CDH23: variants seen among roughly 807,000 people sequenced by gnomAD.
CDH23 encodes the protein cadherin related 23.
CDH23 carries 189 observed loss-of-function variants against 317.1 expected under a neutral mutation model. The ratio of observed to expected loss-of-function variants is 0.60; its 90% CI spans 0.53 to 0.67. The LOEUF is 0.67. Among genes scored for constraint, CDH23 ranks in the 30% least tolerant of loss-of-function variants. CDH23 has a pLI of 0.00. For missense variants in CDH23, 4,401 were observed against 4,592.4 expected, an observed-to-expected ratio of 0.96 and a Z score of 1.20; for synonymous variants, 1,839 against 1,876.8, an observed-to-expected ratio of 0.98 and a Z score of 0.52.
intron 9 of CDH23, among the ~76,000 whole-genome samples, chr10:71,594,566 G>C (rs999233200): frequency 3.3e-5 from 5 of 152,130 alleles, no homozygotes; most frequent in African/African-American, 1.2e-4. Flanking sequence ...AGTAGAGATG[G>C]GGTTTCTCCA....
At chr10:71,750,199 T>C (rs1310960133) in intron 38 of CDH23, 1 of 152,070 alleles carries the variant, frequency 6.6e-6, no homozygotes, top group Non-Finnish European at 1.5e-5. Context: ...CCTGGCCGAA[T>C]GGCTCTGAAG....
chr10:71,714,662 G>A (rs563233593), intron 28 of CDH23: 45 of 152,378 alleles, frequency 3.0e-4, no homozygotes, highest in African/African-American at 8.2e-4. Flanking sequence ...TGCACACTGC[G>A]CTGAGGAGCT....
chr10:71,723,839 A>G (rs117627275), intron 28 of CDH23, among the ~76,000 whole-genome samples: 1 of 152,300 alleles, frequency 6.6e-6, no homozygotes, highest in East Asian at 1.9e-4. Flanking sequence ...ACAGGGCTGC[A>G]GGGGCCATCA....
At chr10:71,669,958 G>A (rs7075230) in intron 14 of CDH23, among the ~76,000 whole-genome samples, 2,476 of 152,148 alleles carry the variant, frequency 0.016, 71 homozygotes, top group African/African-American at 0.057. Flanking sequence ...CCAAGATCGC[G>A]CCATTGCACT....
chr10:71,646,719 G>A (rs779725213), intron 14 of CDH23, 102 bp downstream of exon 14: 61 of 1,611,908 alleles, frequency 3.8e-5, no homozygotes, highest in Non-Finnish European at 4.8e-5. Context: ...ATCAGGGAAG[G>A]AGGCACCCCC....
chr10:71,734,752 A>G, intron 34 of CDH23, 94 bp downstream of exon 34: 1 of 784,050 alleles, frequency 1.3e-6, no homozygotes, highest in Non-Finnish European at 2.0e-6. Flanking sequence ...CACCTCTCCC[A>G]GAGAGAAGGC....
chr10:71,403,385 TTCTTTCTTTCTTTCTTTCTTTC>T (rs1847902657), intron 1 of CDH23, among the ~76,000 whole-genome samples: 2 of 117,732 alleles, frequency 1.7e-5, no homozygotes, highest in African/African-American at 8.3e-5. Flanking sequence ...CTTTCTTTCT[TTCTTTCTTTCTTTCTTTCTTTC>T]TCTTCCTTCC....
intron 6 of CDH23, among the ~76,000 whole-genome samples, chr10:71,561,924 G>A (rs548791956): frequency 6.6e-6 from 1 of 152,260 alleles, no homozygotes; most frequent in South Asian, 2.1e-4. Context: ...AGAAGCAGAA[G>A]TGATCATGCC....
intron 6 of CDH23, among the ~76,000 whole-genome samples, chr10:71,565,377 A>G (rs1170752573): frequency 6.6e-6 from 1 of 152,070 alleles, no homozygotes; most frequent in African/African-American, 2.4e-5. Context: ...GGGTAGAGGA[A>G]GTAAGACCCC....
At position 71,777,758 on chromosome 10, in the gene CDH23, C is replaced by A; in HGVS notation, c.4924C>A (p.Leu1642Met). The A allele has an allele frequency of 6.2e-7, 1 of 1,613,826 alleles. No homozygotes were observed. The highest frequency in any genetic ancestry group is 8.5e-7 in the Non-Finnish European group (1 of 1,179,842). Residue 1642 changes from leucine to methionine, a missense_variant, in exon 39 of 70, where the codon CTG becomes ATG. By Grantham distance (15) the Leu-to-Met change is conservative. Around this residue, in one of 3 missense-constraint regions of CDH23, gnomAD observed 3,068 missense variants for 3,203.3 expected, o/e 0.96. Coordinates refer to ENST00000224721, the MANE Select transcript of CDH23 (RefSeq NM_022124.6). ...GTTCCAGCAGCCCCACTATGAGGTG[C>A]TGCTGGATGAGGGCCCAGACACGCT... The part of the protein sequence containing the change: ...PMFQQPHYEV[L>M]LDEGPDTLNT...
chr10:71,814,833 C>T (rs984351910), intron 69 of CDH23, 119 bp from the exon 70 acceptor site: 25 of 1,186,224 alleles, frequency 2.1e-5, no homozygotes, highest in Non-Finnish European at 2.5e-5. Context: ...CAGAGTCTGA[C>T]AGGCCTGCTG....
chr10:71,513,121 A>AGC (rs1854086319), intron 6 of CDH23, among the ~76,000 whole-genome samples: 4 of 152,192 alleles, frequency 2.6e-5, no homozygotes, highest in African/African-American at 9.6e-5. Context: ...GCTGCAAAGG[A>AGC]CACACCGTCC....
At chr10:71,598,516 G>A (rs933376593) in intron 9 of CDH23, among the ~76,000 whole-genome samples, 1 of 152,180 alleles carries the variant, frequency 6.6e-6, no homozygotes, top group African/African-American at 2.4e-5. Flanking sequence ...GCACTTCCCA[G>A]AGAGCCTGCC....
intron 18 of CDH23, among the ~76,000 whole-genome samples, 155 bp downstream of exon 18, chr10:71,682,727 A>C (rs1462497689): frequency 6.6e-6 from 1 of 152,146 alleles, no homozygotes. Flanking sequence ...GCCTGCCCTT[A>C]GCAAGTCTCT....
At chr10:71,432,016 T>C (rs1589298619) in intron 1 of CDH23, among the ~76,000 whole-genome samples, 1 of 152,336 alleles carries the variant, frequency 6.6e-6, no homozygotes, top group Non-Finnish European at 1.5e-5. Context: ...TAGGTTTTTT[T>C]CTGGGATTCA....
At chr10:71,512,638 G>A (rs533471533) in intron 6 of CDH23, among the ~76,000 whole-genome samples, 8 of 152,170 alleles carry the variant, frequency 5.3e-5, no homozygotes, top group Admixed American at 1.3e-4. Flanking sequence ...GCAGGGAGCC[G>A]CACTGGCAAG....
At position 71,751,212 on chromosome 10, in the gene CDH23, C is replaced by T; in HGVS notation, c.4845+9291C>T. On this transcript the variant is annotated intron_variant, in intron 38 of 69. Coordinates refer to ENST00000224721, the MANE Select transcript of CDH23 (RefSeq NM_022124.6). The surrounding 1 kb of genome is among the most constrained non-coding windows in gnomAD (Gnocchi z 4.9). ...GCCAGCCCTGGCTCAAATGCACCTG[C>T]CCCAGACCCAGCCACAACAGCCCAC... 6.3e-7 allele frequency: 1 copy of T among 1,593,798 alleles called. No homozygotes were observed. The highest frequency in any genetic ancestry group is 1.1e-5 in the South Asian group (1 of 88,334).
intron 6 of CDH23, among the ~76,000 whole-genome samples, chr10:71,547,697 G>A (rs1423690002): frequency 6.6e-6 from 1 of 152,246 alleles, no homozygotes; most frequent in Non-Finnish European, 1.5e-5. Flanking sequence ...AGGCAGAATT[G>A]CAAGGAAGAG....
intron 14 of CDH23, among the ~76,000 whole-genome samples, chr10:71,665,096 G>C (rs1335890934): frequency 6.6e-6 from 1 of 152,184 alleles, no homozygotes; most frequent in African/African-American, 2.4e-5. Context: ...GCACTGGATG[G>C]GTGCTGGGGA....
Sources: allele counts gnomAD v4.1 joint callset (sites outside exome capture counted in the v4.1 genomes callset), GRCh38; gene constraint gnomAD v4.1.1; regional missense constraint gnomAD v4.1.1; non-coding constraint Gnocchi (gnomAD v3.1); transcripts MANE v1.5; gene names NCBI Gene and HGNC (gene_info 2026-07-23, HGNC 2026-07-21).